PPM1L: variants seen among roughly 807,000 people sequenced by gnomAD.
PPM1L encodes the protein protein phosphatase, Mg2+/Mn2+ dependent 1L, also known as protein phosphatase 1L.
In PPM1L, 13 loss-of-function variants were observed where a neutral mutation model predicts 31.4. The observed-to-expected ratio is 0.41, with a 90% confidence interval of 0.27 to 0.66. The LOEUF (loss-of-function observed/expected upper bound fraction) is 0.66. Ranked by LOEUF, PPM1L falls within the 30% of genes least tolerant of loss-of-function variation. PPM1L has a pLI of 0.29. For missense variants in PPM1L, 326 were observed against 453.7 expected (o/e 0.72, Z 2.56); for synonymous variants, 184 against 175.4 (o/e 1.05, Z -0.39).
intron 1 of PPM1L, among the ~76,000 whole-genome samples, chr3:160,825,453 G>A (rs1362206988): frequency 6.6e-6 from 1 of 152,060 alleles, no homozygotes; most frequent in Non-Finnish European, 1.5e-5. Flanking sequence ...CACTTGCATT[G>A]ATTGCTTACT....
At chr3:160,999,867 A>G (rs1717426672) in intron 2 of PPM1L, among the ~76,000 whole-genome samples, 1 of 152,246 alleles carries the variant, frequency 6.6e-6, no homozygotes, top group Admixed American at 6.5e-5. Context: ...CCTACAGCTT[A>G]ATTCTAATTA....
chr3:161,032,131 G>A lies in PPM1L; in HGVS notation c.575-33272G>A, dbSNP rs1004747967. Among the ~76,000 whole-genome samples the A allele has an allele frequency of 5.9e-5, 9 of 152,206 alleles. 1 individual carries two copies. Among genetic ancestry groups the A allele is most frequent in the Middle Eastern group, 3.4e-3 (1 of 294 alleles). ...ATAGTAGCAGTAGAGATAACCAAAG[G>A]GCTAAAGAGATTTCACCAAATGGTT... On this transcript the variant is annotated intron_variant, in intron 2 of 3. Transcript: ENST00000498165.
chr3:160,917,002 T>G (rs1487958768), intron 1 of PPM1L, among the ~76,000 whole-genome samples: 1 of 152,210 alleles, frequency 6.6e-6, no homozygotes, highest in Non-Finnish European at 1.5e-5. Context: ...TGTTCCAAGC[T>G]AAACTTCCTG....
chr3:160,830,868 G>A (rs1022918914), intron 1 of PPM1L, among the ~76,000 whole-genome samples: 1 of 152,182 alleles, frequency 6.6e-6, no homozygotes, highest in African/African-American at 2.4e-5. Context: ...AGACTTAAGA[G>A]TATTTAAAAA....
intron 1 of PPM1L, among the ~76,000 whole-genome samples, chr3:160,869,051 G>A (rs1178368157): frequency 6.6e-5 from 10 of 152,104 alleles, no homozygotes; most frequent in Non-Finnish European, 1.3e-4. Context: ...CCAGGAATGC[G>A]GGCTTTACTA....
chr3:160,967,409 C>G (rs1447193005), intron 2 of PPM1L, among the ~76,000 whole-genome samples: 2 of 151,918 alleles, frequency 1.3e-5, no homozygotes, highest in Non-Finnish European at 2.9e-5. Flanking sequence ...GCTGTGAGGT[C>G]CAAGGTCAAG....
chr3:160,847,891 G>A (rs1714130585), intron 1 of PPM1L, among the ~76,000 whole-genome samples: 1 of 152,134 alleles, frequency 6.6e-6, no homozygotes, highest in Admixed American at 6.5e-5. Context: ...TCGGGTCTCA[G>A]CTGTGAAATT....
At chr3:160,906,533 C>T (rs900734758) in intron 1 of PPM1L, among the ~76,000 whole-genome samples, 15 of 152,030 alleles carry the variant, frequency 9.9e-5, no homozygotes, top group African/African-American at 2.4e-4. Context: ...ACCTGGGAGG[C>T]GGCGGTTGCA....
At chr3:160,885,453 G>T (rs1447614) in intron 1 of PPM1L, among the ~76,000 whole-genome samples, 4,634 of 152,218 alleles carry the variant, frequency 0.03, 188 homozygotes, top group African/African-American at 0.09. Flanking sequence ...TACAAACAGT[G>T]GTGATTGGAG....
chr3:160,992,297 T>A (rs1717158109), intron 2 of PPM1L, among the ~76,000 whole-genome samples: 1 of 152,214 alleles, frequency 6.6e-6, no homozygotes, highest in African/African-American at 2.4e-5. Context: ...GTAGTGCTGT[T>A]ACAGCTTTAT....
intron 1 of PPM1L, among the ~76,000 whole-genome samples, chr3:160,839,990 G>T (rs116125744): frequency 0.013 from 1,960 of 152,292 alleles, 44 homozygotes; most frequent in African/African-American, 0.045. Flanking sequence ...AGTAGGGAGG[G>T]ATAGCCCCAT....
intron 1 of PPM1L, among the ~76,000 whole-genome samples, chr3:160,856,111 T>C (rs550509460): frequency 1.3e-5 from 2 of 152,210 alleles, no homozygotes; most frequent in East Asian, 3.9e-4. Flanking sequence ...AGTCTTTCCA[T>C]GTTCCTCTGC....
chr3:160,808,392 T>TGTGTGTGTGTGTGTGCGCGCGCGCGCGC (rs1470394160), intron 1 of PPM1L, among the ~76,000 whole-genome samples: 7 of 147,824 alleles, frequency 4.7e-5, no homozygotes, highest in East Asian at 2.0e-4. Context: ...CCTGTGTGTG[T>TGTGTGTGTGTGTGTGCGCGCGCGCGCGC]GTGTGTGTGT....
At chr3:160,786,853 G>T (rs1163419625) in intron 1 of PPM1L, among the ~76,000 whole-genome samples, 1 of 152,034 alleles carries the variant, frequency 6.6e-6, no homozygotes, top group Non-Finnish European at 1.5e-5. Flanking sequence ...GCAGTATTTG[G>T]TTTTCTGTTT....
chr3:160,965,824 A>G (rs1716124554), intron 2 of PPM1L, among the ~76,000 whole-genome samples: 1 of 152,080 alleles, frequency 6.6e-6, no homozygotes, highest in Admixed American at 6.6e-5. Flanking sequence ...AGAGAGGTTA[A>G]TTTGTCTTTA....
intron 2 of PPM1L, among the ~76,000 whole-genome samples, chr3:161,041,142 T>C (rs187663906): frequency 6.6e-6 from 1 of 152,356 alleles, no homozygotes; most frequent in Admixed American, 6.5e-5. Flanking sequence ...ATTTTCTTTC[T>C]GTCAACTCCA....
intron 1 of PPM1L, among the ~76,000 whole-genome samples, chr3:160,886,856 G>A (rs545008743): frequency 6.6e-6 from 1 of 152,078 alleles, no homozygotes; most frequent in Non-Finnish European, 1.5e-5. Context: ...GATGGAGGAT[G>A]AGGTGGACAA....
intron 2 of PPM1L, among the ~76,000 whole-genome samples, chr3:161,013,404 T>G (rs987313900): frequency 2.0e-5 from 3 of 152,228 alleles, no homozygotes; most frequent in Non-Finnish European, 4.4e-5. Flanking sequence ...TGTTATAATT[T>G]CTGTTCTTTT....
At chr3:160,820,365 T>C (rs1372094050) in intron 1 of PPM1L, among the ~76,000 whole-genome samples, 1 of 152,110 alleles carries the variant, frequency 6.6e-6, no homozygotes. Flanking sequence ...AATTTTGCTG[T>C]AGATTAATTA....
Sources: allele counts gnomAD v4.1 joint callset (sites outside exome capture counted in the v4.1 genomes callset), GRCh38; gene constraint gnomAD v4.1.1; transcripts MANE v1.5; gene names NCBI Gene and HGNC (gene_info 2026-07-23, HGNC 2026-07-21).